RBFOX1: variants seen among roughly 807,000 people sequenced by gnomAD.
The protein encoded by RBFOX1 is RNA binding protein fox-1 homolog 1.
In RBFOX1, 8 loss-of-function variants were observed where a neutral mutation model predicts 57.7. The observed-to-expected ratio is 0.14, with a 90% CI of 0.08 to 0.25. RBFOX1 has a LOEUF of 0.25. Among genes scored for constraint, RBFOX1 ranks in the 10% least tolerant of loss-of-function variants. RBFOX1 has a pLI of 1.00. For missense variants in RBFOX1, 611 were observed against 548.5 expected (o/e 1.11, Z -1.14); for synonymous variants, 326 against 222.4 (o/e 1.47, Z -4.15).
Position 6,380,398 on chromosome 16 carries a change from ATTTTTTTTTTTTTTTTTTTTTTTTT to A in RBFOX1, c.-64+63365_-64+63389del, listed in dbSNP as rs60498960. On this transcript the variant is annotated intron_variant, in intron 2 of 15. Coordinates refer to ENST00000550418, the MANE Select transcript of RBFOX1 (RefSeq NM_018723.4). ...CGTCTGTGAGTGGTGAATGGTGGGG[ATTTTTTTTTTTTTTTTTTTTTTTTT>A]TTTTTTTTTTTTTTTTTTTTTTTAG... Among the ~76,000 whole-genome samples the A allele has an allele frequency of 1.6e-3, 80 of 49,158 alleles. 3 individuals are homozygous for A. The highest frequency in any genetic ancestry group is 3.3e-3 in the African/African-American group (42 of 12,908). 32.2% of individuals were successfully genotyped at this position (49,158 alleles called of 152,430 possible).
At chr16:5,931,178 C>G (rs192984124) in intron 4 of RBFOX1, among the ~76,000 whole-genome samples, 7 of 152,044 alleles carry the variant, frequency 4.6e-5, no homozygotes, top group Non-Finnish European at 8.8e-5. Context: ...ACCTGGTTAC[C>G]CCTTGAGCTC....
At chr16:6,859,126 TATACATATATATAC>T (rs2058456759) in intron 3 of RBFOX1, among the ~76,000 whole-genome samples, 1 of 65,970 alleles carries the variant, frequency 1.5e-5, no homozygotes, top group African/African-American at 1.0e-4. Flanking sequence ...TATATATATA[TATACATATATATAC>T]GTATATATAT....
intron 4 of RBFOX1, among the ~76,000 whole-genome samples, chr16:5,940,788 C>T (rs1437005814): frequency 1.3e-5 from 2 of 152,044 alleles, no homozygotes; most frequent in East Asian, 1.9e-4. Context: ...GCTAGTCTGG[C>T]ACATATGGGA....
intron 1 of RBFOX1, among the ~76,000 whole-genome samples, chr16:6,027,127 A>T (rs1026956745): frequency 6.6e-6 from 1 of 152,118 alleles, no homozygotes; most frequent in Admixed American, 6.6e-5. Context: ...GAGGGTGAGG[A>T]CTTGAGGTTT....
At chr16:5,981,571 T>G (rs1275372163) in intron 4 of RBFOX1, among the ~76,000 whole-genome samples, 1 of 152,006 alleles carries the variant, frequency 6.6e-6, no homozygotes, top group Non-Finnish European at 1.5e-5. Context: ...CAGGCTCAGG[T>G]GATTCTCCTG....
intron 3 of RBFOX1, among the ~76,000 whole-genome samples, chr16:5,616,684 TC>T (rs35916077): frequency 0.49 from 63,138 of 129,034 alleles, 19,940 homozygotes; most frequent in Non-Finnish European, 0.7. Context: ...CCCTTTATCT[TC>T]CGCCCCCTGA....
At chr16:6,879,388 T>G (rs2062463834) in intron 3 of RBFOX1, among the ~76,000 whole-genome samples, 1 of 152,234 alleles carries the variant, frequency 6.6e-6, no homozygotes, top group Admixed American at 6.5e-5. Context: ...CCTGTTTATA[T>G]TTATTGGATG....
intron 4 of RBFOX1, among the ~76,000 whole-genome samples, chr16:7,464,513 C>G (rs1319850255): frequency 6.6e-6 from 1 of 151,898 alleles, no homozygotes; most frequent in East Asian, 1.9e-4. Context: ...CCTATTGGAC[C>G]TCTTTTCTAG....
chr16:5,425,714 T>G (rs907809356), intron 1 of RBFOX1, among the ~76,000 whole-genome samples: 4 of 152,136 alleles, frequency 2.6e-5, no homozygotes, highest in Admixed American at 1.3e-4. Context: ...GCAAGAGGTC[T>G]TTCATGGAGC....
At chr16:5,728,045 T>G (rs2052219703) in intron 3 of RBFOX1, among the ~76,000 whole-genome samples, 1 of 152,210 alleles carries the variant, frequency 6.6e-6, no homozygotes, top group South Asian at 2.1e-4. Flanking sequence ...TGAGCTTTGG[T>G]AGTATTTGTC....
chr16:5,382,331 G>C (rs2066151147), intron 1 of RBFOX1, among the ~76,000 whole-genome samples: 1 of 151,666 alleles, frequency 6.6e-6, no homozygotes, highest in African/African-American at 2.4e-5. Flanking sequence ...AAACTATTCG[G>C]GCTGATATTA....
intron 3 of RBFOX1, among the ~76,000 whole-genome samples, chr16:6,976,604 C>G (rs554587679): frequency 6.6e-6 from 1 of 151,300 alleles, no homozygotes; most frequent in African/African-American, 2.4e-5. Flanking sequence ...CAGAGTAGGG[C>G]GTTCCCGAAA....
chr16:6,998,425 C>A (rs1031910761), intron 3 of RBFOX1, among the ~76,000 whole-genome samples: 5 of 152,002 alleles, frequency 3.3e-5, no homozygotes, highest in African/African-American at 9.7e-5. Context: ...CAGTGAGACA[C>A]AGAATGGTTT....
chr16:6,824,473 A>T (rs2091837817), intron 3 of RBFOX1, among the ~76,000 whole-genome samples: 1 of 152,204 alleles, frequency 6.6e-6, no homozygotes, highest in Non-Finnish European at 1.5e-5. Flanking sequence ...TAAATAGAAA[A>T]TGGTAGTGGT....
rs563061225 is a variant in RBFOX1 at position 7,196,509 on chromosome 16, A to G, written c.27+144411A>G. Among the ~76,000 whole-genome samples the G allele has an allele frequency of 4.6e-5, 7 of 152,340 alleles. No homozygotes were observed. In the South Asian group the frequency reaches 1.0e-3, roughly 23 times the overall value. Reference sequence around the variant, plus strand: ...CCCAAACATTTAAGAGGCGTCTACAATGTGCAGGTTAGTGCAACCGGCTCT... The same window carrying G: ...CCCAAACATTTAAGAGGCGTCTACAGTGTGCAGGTTAGTGCAACCGGCTCT... On this transcript the variant is annotated intron_variant, in intron 4 of 15. Transcript: ENST00000550418.
At chr16:7,184,412 G>A (rs1308863754) in intron 4 of RBFOX1, among the ~76,000 whole-genome samples, 1 of 152,332 alleles carries the variant, frequency 6.6e-6, no homozygotes, top group East Asian at 1.9e-4. Flanking sequence ...CATGATGGTG[G>A]TTATAGCATA....
intron 2 of RBFOX1, among the ~76,000 whole-genome samples, chr16:6,505,332 A>T (rs1215197201): frequency 6.6e-6 from 1 of 152,208 alleles, no homozygotes; most frequent in African/African-American, 2.4e-5. Context: ...CTTTGTTTAT[A>T]TAAGGAATCT....
intron 3 of RBFOX1, among the ~76,000 whole-genome samples, chr16:5,809,044 A>C (rs1195560887): frequency 2.0e-5 from 3 of 152,200 alleles, no homozygotes; most frequent in Admixed American, 2.0e-4. Context: ...CTGGTCTTTG[A>C]CAAACCTGAG....
At chr16:6,811,803 C>T (rs1358095539) in intron 3 of RBFOX1, among the ~76,000 whole-genome samples, 3 of 152,228 alleles carry the variant, frequency 2.0e-5, no homozygotes, top group East Asian at 3.9e-4. Flanking sequence ...GCAGGAGAAT[C>T]GCTTGAACCT....
Sources: gnomAD v4.1 joint callset for allele counts (sites outside exome capture counted in the v4.1 genomes callset) on GRCh38, gnomAD v4.1.1 for gene constraint, MANE v1.5 for transcripts, NCBI Gene and HGNC (gene_info 2026-07-23, HGNC 2026-07-21) for gene names.